The following SERPINB13 variants were observed in gnomAD, a reference collection of about 807,000 sequenced individuals.
SERPINB13 encodes serpin B13.
Under a neutral mutation model 31.2 loss-of-function variants are expected in SERPINB13, and 26 were observed. The ratio of observed to expected loss-of-function variants is 0.83; its 90% confidence interval spans 0.61 to 1.15. The LOEUF is 1.15. Ranked by LOEUF, SERPINB13 falls within the 50% of genes most tolerant of loss-of-function variation. SERPINB13 has a pLI of 0.00. For missense variants in SERPINB13, 510 were observed against 469.4 expected (o/e 1.09, Z -0.80); for synonymous variants, 191 against 172.4 (o/e 1.11, Z -0.85).
chr18:63,594,121 A>T (rs1213500894), intron 5 of SERPINB13: 1 of 1,428,698 alleles, frequency 7.0e-7, no homozygotes, highest in East Asian at 3.3e-5. Context: ...ATCTGACCCC[A>T]GAGTCTGGAC....
intron 5 of SERPINB13, among the ~76,000 whole-genome samples, chr18:63,593,732 G>T (rs1315396272): frequency 6.6e-6 from 1 of 151,652 alleles, no homozygotes; most frequent in Non-Finnish European, 1.5e-5. Flanking sequence ...CTCATGCTTG[G>T]TCTGAAGAAA....
chr18:63,598,406 A>C lies in SERPINB13; in HGVS notation c.*1043A>C, dbSNP rs1156859916. On this transcript the variant is annotated 3_prime_UTR_variant, in exon 8 of 8. Coordinates refer to ENST00000344731, the MANE Select transcript of SERPINB13 (RefSeq NM_012397.4). ...GTTTTAGAATATTTCCATGACCCTA[A>C]GAAGTTTCCTCATGTCTATTAATAT... The C allele has an allele frequency of 6.6e-6, 1 of 152,154 alleles. No homozygotes were observed. The highest frequency in any genetic ancestry group is 2.4e-5 in the African/African-American group (1 of 41,450). The allele number at this position is 152,154 out of a possible 1,614,324, so 9.4% of individuals were successfully genotyped here. A position where few individuals can be genotyped will look rare whatever the true frequency, so the allele number is the denominator to read the frequency against.
At chr18:63,596,598 AC>A (rs1912181195) in intron 7 of SERPINB13, among the ~76,000 whole-genome samples, 1 of 152,234 alleles carries the variant, frequency 6.6e-6, no homozygotes, top group African/African-American at 2.4e-5. Context: ...GAAAAAGTTT[AC>A]TTTTTATCAA....
At chr18:63,590,957 G>A (rs1911815702) in intron 3 of SERPINB13, among the ~76,000 whole-genome samples, 1 of 152,136 alleles carries the variant, frequency 6.6e-6, no homozygotes, top group Non-Finnish European at 1.5e-5. Context: ...TGTAAATTCA[G>A]AGTATTTTGA....
chr18:63,594,436 G>T lies in SERPINB13; in HGVS notation c.554G>T (p.Gly185Val), dbSNP rs1199306416. Residue 185 changes from glycine to valine, a missense_variant, in exon 6 of 8, where the codon GGG becomes GTG. Transcript: ENST00000344731. ...LVLVNMVYFK[G>V]QWDREFKKEN... is the part of the protein sequence containing the mutation. ...CTGGTGAACATGGTTTATTTTAAAG[G>T]GCAATGGGACAGGGAGTTTAAGAAA... 6.2e-7 allele frequency: 1 copy of T among 1,614,142 alleles called. No individual in the cohort carries two copies. The highest frequency in any genetic ancestry group is 8.5e-7 in the Non-Finnish European group (1 of 1,180,006).
At chr18:63,594,169 T>C (rs754462188) in intron 5 of SERPINB13, 186 bp from the exon 6 acceptor site, 10 of 1,505,112 alleles carry the variant, frequency 6.6e-6, no homozygotes, top group Middle Eastern at 1.7e-4. Context: ...CTGGGATAAA[T>C]AGGCGATGGG....
At chr18:63,589,125 A>C (rs547524233) in intron 2 of SERPINB13, among the ~76,000 whole-genome samples, 1 of 152,282 alleles carries the variant, frequency 6.6e-6, no homozygotes, top group African/African-American at 2.4e-5. Context: ...ACAAGGGTAA[A>C]AATGACACAT....
rs1467123416 is a variant in SERPINB13, at chr18:63,599,070, C to CATTT, written c.*1708_*1711dup. Reference sequence around the variant, plus strand: ...TTTGTTTGGTGAAATGTATACAAATCATTTGCTCATTTTTAATTTGGGTTG... The same window carrying CATTT: ...TTTGTTTGGTGAAATGTATACAAATCATTTATTTGCTCATTTTTAATTTGGGTTG... On this transcript the variant is annotated 3_prime_UTR_variant, in exon 8 of 8. Coordinates refer to ENST00000344731, the MANE Select transcript of SERPINB13 (RefSeq NM_012397.4). 3.0e-4 allele frequency: 46 copies of CATTT among 152,160 alleles called. No individual in the cohort carries two copies. Among genetic ancestry groups the CATTT allele is most frequent in the African/African-American group, 1.0e-3 (43 of 41,532 alleles). The allele number at this position is 152,160 out of a possible 1,614,324, so 9.4% of individuals were successfully genotyped here. A position where few individuals can be genotyped will look rare whatever the true frequency, so the allele number is the denominator to read the frequency against.
intron 3 of SERPINB13, 31 bp downstream of exon 3, chr18:63,589,746 G>A (rs745545166): frequency 6.2e-7 from 1 of 1,613,972 alleles, no homozygotes; most frequent in Non-Finnish European, 8.5e-7. Flanking sequence ...AAAAGAGGTG[G>A]GGAGATGTGT....
At position 63,598,699 on chromosome 18, in the gene SERPINB13, G is replaced by A. The variant is rs1912329200; in HGVS notation, c.*1336G>A. 1 of 152,156 alleles carries A rather than the reference G, an allele frequency of 6.6e-6. No homozygotes were observed. Among genetic ancestry groups the A allele is most frequent in the African/African-American group, 2.4e-5 (1 of 41,444 alleles). 9.4% of individuals were successfully genotyped at this position (152,156 alleles called of 1,614,324 possible). A position where few individuals can be genotyped will look rare whatever the true frequency, so the allele number is the denominator to read the frequency against. On this transcript the variant is annotated 3_prime_UTR_variant, in exon 8 of 8. Transcript: ENST00000344731. ...GATTGTTCCCACTTCTTGGCTGTTA[G>A]GAATAATGTTGCTCTGAACATGTAA... is the stretch of plus-strand genomic sequence containing the variant.
chr18:63,594,330 CCTTTTTCTGTTTCTTCATTTGCAG>C lies in SERPINB13; in HGVS notation c.473-24_473-1del. On this transcript the variant is annotated splice_acceptor_variant and splice_polypyrimidine_tract_variant and intron_variant, in intron 5 of 7. Coordinates refer to ENST00000344731, the MANE Select transcript of SERPINB13 (RefSeq NM_012397.4). LOFTEE classifies it high-confidence loss of function. Reference sequence around the variant, plus strand: ...ATTTGTCATTTGGAAGATGGGTCAACCTTTTTCTGTTTCTTCATTTGCAGAAAAAATCAAGGACTTGTTCCCAGA... The same window carrying C: ...ATTTGTCATTTGGAAGATGGGTCAACAAAAAATCAAGGACTTGTTCCCAGA... The C allele has an allele frequency of 1.9e-6, 3 of 1,613,244 alleles. No homozygotes were observed.
chr18:63,594,584 T>TA, intron 6 of SERPINB13, 87 bp downstream of exon 6: 1 of 1,449,272 alleles, frequency 6.9e-7, no homozygotes, highest in East Asian at 2.3e-5. Context: ...CTGACACCTG[T>TA]AATCCCAGCA....
chr18:63,587,545 T>C (rs1489719971), intron 1 of SERPINB13, 95 bp downstream of exon 1: 1 of 432,888 alleles, frequency 2.3e-6, no homozygotes, highest in Non-Finnish European at 4.7e-6. Flanking sequence ...TGCATAGACT[T>C]TCTGGAGGTA....
At chr18:63,596,105 A>G (rs1912152205) in intron 7 of SERPINB13, among the ~76,000 whole-genome samples, 2 of 152,120 alleles carry the variant, frequency 1.3e-5, no homozygotes, top group African/African-American at 2.4e-5. Context: ...AACGTGCAGC[A>G]GTGTTGGAAT....
At chr18:63,589,031 C>T (rs2076737129) in intron 2 of SERPINB13, among the ~76,000 whole-genome samples, 199 bp downstream of exon 2, 2 of 152,148 alleles carry the variant, frequency 1.3e-5, no homozygotes, top group Non-Finnish European at 2.9e-5. Context: ...TCGCCACCTG[C>T]TCCCAGATGC....
intron 3 of SERPINB13, among the ~76,000 whole-genome samples, chr18:63,590,485 G>C (rs189109523): frequency 1.3e-5 from 2 of 152,182 alleles, no homozygotes. Flanking sequence ...AGGCTAGGTC[G>C]TGTGGGTGGC....
At chr18:63,588,599 G>C (rs1911648440) in intron 1 of SERPINB13, 52 bp from the exon 2 acceptor site, 1 of 1,548,744 alleles carries the variant, frequency 6.5e-7, no homozygotes, top group South Asian at 1.1e-5. Context: ...GGATTCCCCT[G>C]ACACAGAGTA....
intron 3 of SERPINB13, among the ~76,000 whole-genome samples, chr18:63,591,785 T>C (rs1298125639): frequency 1.3e-5 from 2 of 152,046 alleles, no homozygotes; most frequent in Non-Finnish European, 2.9e-5. Flanking sequence ...GATATGTCGT[T>C]AAGGTAACAT....
chr18:63,597,460 T>C lies in SERPINB13; in HGVS notation c.*97T>C. On this transcript the variant is annotated 3_prime_UTR_variant, in exon 8 of 8. Transcript: ENST00000344731. ...ATCGTCCATTCTTTTAAATGTTGTC[T>C]CACTTGCATTTCCAGTCTTGGCCAT... 1 of 1,288,050 alleles carries C rather than the reference T, an allele frequency of 7.8e-7. No individual in the cohort carries two copies. The highest frequency in any genetic ancestry group is 1.1e-6 in the Non-Finnish European group (1 of 935,662). The allele number at this position is 1,288,050 out of a possible 1,614,324, so 79.8% of individuals were successfully genotyped here. A position where few individuals can be genotyped will look rare whatever the true frequency, so the allele number is the denominator to read the frequency against.
Sources: gnomAD v4.1 joint callset for allele counts (sites outside exome capture counted in the v4.1 genomes callset) on GRCh38, gnomAD v4.1.1 for gene constraint, MANE v1.5 for transcripts, NCBI Gene and HGNC (gene_info 2026-07-23, HGNC 2026-07-21) for gene names.